The following GRM4 variants were observed in gnomAD, a reference collection of about 807,000 sequenced individuals.
GRM4 encodes the protein glutamate metabotropic receptor 4.
GRM4 carries 28 observed loss-of-function variants against 81.7 expected under a neutral mutation model. The ratio of observed to expected loss-of-function variants is 0.34; its 90% CI spans 0.25 to 0.47. GRM4 has a LOEUF of 0.47. Among genes scored for constraint, GRM4 ranks in the 20% least tolerant of loss-of-function variants. The pLI, the probability that GRM4 is intolerant of heterozygous loss-of-function variation, is 1.00. For synonymous variants in GRM4, 488 were observed against 528.8 expected, an observed-to-expected ratio of 0.92 and a Z score of 1.06; for missense variants, 948 against 1,290.0, an observed-to-expected ratio of 0.73 and a Z score of 4.06.
chr6:34,079,019 C>G (rs1767455745), intron 3 of GRM4, among the ~76,000 whole-genome samples: 1 of 152,224 alleles, frequency 6.6e-6, no homozygotes, highest in African/African-American at 2.4e-5. Context: ...CCAGCTCTCA[C>G]TAGGCCTTTC....
chr6:34,098,573 G>A (rs1025052133), intron 2 of GRM4, among the ~76,000 whole-genome samples: 3 of 152,234 alleles, frequency 2.0e-5, no homozygotes, highest in Non-Finnish European at 4.4e-5. Context: ...CCAGGGAGCA[G>A]GGGACCCTGC....
intron 10 of GRM4, among the ~76,000 whole-genome samples, chr6:34,026,387 G>A (rs2127435066): frequency 6.6e-6 from 1 of 152,196 alleles, no homozygotes; most frequent in East Asian, 1.9e-4. Flanking sequence ...ACAGGAGGTG[G>A]GGAGAGGGGC....
chr6:34,124,114 C>T (rs1769924354), intron 2 of GRM4, among the ~76,000 whole-genome samples: 1 of 152,188 alleles, frequency 6.6e-6, no homozygotes, highest in Admixed American at 6.5e-5. Flanking sequence ...GACTTGTCCT[C>T]CCACGACACC....
At position 34,025,829 on chromosome 6, in the gene GRM4, G is replaced by A. The variant is rs556240382; in HGVS notation, c.2689+2291C>T. Among the ~76,000 whole-genome samples the A allele has an allele frequency of 5.9e-5, 9 of 152,298 alleles. No homozygotes were observed. In the East Asian group the frequency reaches 1.4e-3, roughly 23 times the overall value. ...AAGATGGGGTGATAATAAACACCAC[G>A]TGGGGTCAGCCAAGAGGTGAACAGA... is the stretch of plus-strand genomic sequence containing the variant. On this transcript the variant is annotated intron_variant, in intron 10 of 10. Coordinates refer to ENST00000538487, the MANE Select transcript of GRM4 (RefSeq NM_000841.4).
chr6:34,071,691 C>T (rs1766879055), intron 3 of GRM4, among the ~76,000 whole-genome samples: 1 of 140,158 alleles, frequency 7.1e-6, no homozygotes, highest in Admixed American at 7.1e-5. Flanking sequence ...AATCACCACA[C>T]ACCACACAGA....
chr6:34,065,834 T>C (rs760900165), intron 3 of GRM4, among the ~76,000 whole-genome samples: 17 of 152,218 alleles, frequency 1.1e-4, no homozygotes, highest in Non-Finnish European at 2.2e-4. Context: ...AGAGAGGCCT[T>C]GCCCAGGGGC....
chr6:34,107,091 T>C (rs1450719486), intron 2 of GRM4, among the ~76,000 whole-genome samples: 2 of 152,342 alleles, frequency 1.3e-5, no homozygotes, highest in African/African-American at 4.8e-5. Flanking sequence ...AGCTGGCTGC[T>C]GAGCACTCAG....
Position 34,124,027 on chromosome 6 carries a change from C to T in GRM4, c.519+8951G>A, listed in dbSNP as rs527375662. Among the ~76,000 whole-genome samples the T allele has an allele frequency of 4.6e-5, 7 of 152,316 alleles. No homozygotes were observed. In the South Asian group the frequency reaches 6.2e-4, roughly 14 times the overall value. On this transcript the variant is annotated intron_variant, in intron 2 of 10. Transcript: ENST00000538487. ...GCCTCTCACAGGGAGCTCTCACCTC[C>T]GTGGCTTCACAAGGGCTGCTCAGGG...
rs915968763 is a variant in GRM4, at chr6:34,136,046, A to G, written c.-363-2187T>C. ...GGGAGAGCCTGCACAGTTAAACACC[A>G]TCCTGTCCAAATGCCGACGGTGCCT... On this transcript the variant is annotated intron_variant, in intron 1 of 10. Coordinates refer to ENST00000538487, the MANE Select transcript of GRM4 (RefSeq NM_000841.4). The surrounding 1 kb of genome is among the most constrained non-coding windows in gnomAD (Gnocchi z 4.1). 2.0e-5 allele frequency among the ~76,000 whole-genome samples: 3 copies of G among 152,178 alleles called. No individual in the cohort carries two copies. Among genetic ancestry groups the G allele is most frequent in the Admixed American group, 6.5e-5 (1 of 15,278 alleles).
chr6:34,058,878 G>A, intron 5 of GRM4, 96 bp downstream of exon 5: 1 of 945,026 alleles, frequency 1.1e-6, no homozygotes, highest in Non-Finnish European at 1.6e-6. Flanking sequence ...GGAAGGATAT[G>A]GAAAGAGGCG....
chr6:34,121,004 T>C lies in GRM4; in HGVS notation c.519+11974A>G, dbSNP rs986048926. Among the ~76,000 whole-genome samples the C allele has an allele frequency of 1.3e-5, 2 of 152,194 alleles. No individual in the cohort carries two copies. Among genetic ancestry groups the C allele is most frequent in the Non-Finnish European group, 2.9e-5 (2 of 68,040 alleles). ...TTATATTATCCTCTATAATTTTCCA[T>C]ATGTTTTAAATCATTTATTAAGATA... On this transcript the variant is annotated intron_variant, in intron 2 of 10. Transcript: ENST00000538487. The surrounding 1 kb of genome is among the most constrained non-coding windows in gnomAD (Gnocchi z 4.6).
In GRM4 at chr6:34,042,844, C is replaced by T. The variant is rs956334980; in HGVS notation, c.1169-2096G>A. 3.3e-5 allele frequency among the ~76,000 whole-genome samples: 5 copies of T among 152,180 alleles called. No individual in the cohort carries two copies. The highest frequency in any genetic ancestry group is 7.2e-5 in the African/African-American group (3 of 41,434). ...GAGGCAGTACCCTCTAATCCCCTCA[C>T]ACCCTCTAATCCTGGCCACACCAGT... is the stretch of plus-strand genomic sequence containing the variant. On this transcript the variant is annotated intron_variant, in intron 6 of 10. Transcript: ENST00000538487. This position sits in a 1 kb window ranked among gnomAD's most constrained non-coding sequence, Gnocchi z 4.2.
At chr6:34,123,246 T>G (rs1769886732) in intron 2 of GRM4, among the ~76,000 whole-genome samples, 1 of 152,010 alleles carries the variant, frequency 6.6e-6, no homozygotes, top group Non-Finnish European at 1.5e-5. Context: ...CACCCAACAG[T>G]GTGAAGGGCC....
chr6:34,109,728 C>T (rs1304604405), intron 2 of GRM4, among the ~76,000 whole-genome samples: 1 of 152,132 alleles, frequency 6.6e-6, no homozygotes, highest in Non-Finnish European at 1.5e-5. Context: ...CTTCTGCTTG[C>T]CTGCCTCCTG....
intron 3 of GRM4, among the ~76,000 whole-genome samples, chr6:34,082,624 C>T (rs2127479544): frequency 6.6e-6 from 1 of 152,364 alleles, no homozygotes; most frequent in Non-Finnish European, 1.5e-5. Flanking sequence ...CAGCCCAGGG[C>T]CCGCTGCCCT....
rs1125263 is a variant in GRM4, at chr6:34,089,193, C to T, written c.736+2690G>A. On this transcript the variant is annotated intron_variant, in intron 3 of 10. Coordinates refer to ENST00000538487, the MANE Select transcript of GRM4 (RefSeq NM_000841.4). The surrounding 1 kb of genome is among the most constrained non-coding windows in gnomAD (Gnocchi z 4.3). ...CCTGGCCAGCATGCCCTCCCCACCACTCCCCTCTCTGGTGCTCCTCTGAGC... is the reference window on the plus strand; with the variant it reads ...CCTGGCCAGCATGCCCTCCCCACCATTCCCCTCTCTGGTGCTCCTCTGAGC... Among the ~76,000 whole-genome samples the T allele has an allele frequency of 0.83, 125,760 of 152,126 alleles. 52,143 individuals are homozygous for T. The highest frequency in any genetic ancestry group is 0.87 in the South Asian group (4,179 of 4,812).
At position 34,068,097 on chromosome 6, in the gene GRM4, G is replaced by A. The variant is rs767212146; in HGVS notation, c.737-6069C>T. On this transcript the variant is annotated intron_variant, in intron 3 of 10. Transcript: ENST00000538487. The surrounding 1 kb of genome is among the most constrained non-coding windows in gnomAD (Gnocchi z 4.2). ...CTGCGTCCCAGGGTGGGAAGGAACC[G>A]TAAACATCCTGGAATCGGTGCAGAG... 1.3e-5 allele frequency among the ~76,000 whole-genome samples: 2 copies of A among 152,210 alleles called. No homozygotes were observed. The highest frequency in any genetic ancestry group is 2.9e-5 in the Non-Finnish European group (2 of 68,042).
At chr6:34,027,120 G>A (rs1193414593) in intron 10 of GRM4, among the ~76,000 whole-genome samples, 4 of 152,142 alleles carry the variant, frequency 2.6e-5, no homozygotes, top group Non-Finnish European at 5.9e-5. Context: ...CCCCAGGGTC[G>A]TAGGTTGAGG....
intron 3 of GRM4, among the ~76,000 whole-genome samples, chr6:34,084,271 CGT>C (rs950040031): frequency 6.6e-6 from 1 of 152,158 alleles, no homozygotes; most frequent in African/African-American, 2.4e-5. Context: ...CACTCTGCAG[CGT>C]GTGCTGAGGC....
Sources: allele counts gnomAD v4.1 joint callset (sites outside exome capture counted in the v4.1 genomes callset), GRCh38; gene constraint gnomAD v4.1.1; non-coding constraint Gnocchi (gnomAD v3.1); transcripts MANE v1.5; gene names NCBI Gene and HGNC (gene_info 2026-07-23, HGNC 2026-07-21).